EPB41: variants seen among roughly 807,000 people sequenced by gnomAD.
EPB41 encodes erythrocyte membrane protein band 4.1, also known as protein 4.1.
Under a neutral mutation model 108.0 loss-of-function variants are expected in EPB41, and 65 were observed. That is an observed-to-expected ratio of 0.60 (90% CI 0.49 to 0.74). The LOEUF (loss-of-function observed/expected upper bound fraction) is 0.74, where lower values mean the gene tolerates loss of function less well. Ranked by LOEUF, EPB41 falls within the 30% of genes least tolerant of loss-of-function variation. EPB41 has a pLI of 0.00. For synonymous variants in EPB41, 336 were observed against 358.9 expected, an observed-to-expected ratio of 0.94 and a Z score of 0.72; for missense variants, 875 against 1,037.0, an observed-to-expected ratio of 0.84 and a Z score of 2.15.
intron 15 of EPB41, among the ~76,000 whole-genome samples, chr1:29,061,897 A>G (rs1351299950): frequency 6.6e-6 from 1 of 152,136 alleles, no homozygotes; most frequent in African/African-American, 2.4e-5. Context: ...TAAAAACTAG[A>G]TAGACCTCTG....
chr1:29,087,193 G>A (rs1390389620), intron 16 of EPB41, among the ~76,000 whole-genome samples: 3 of 151,616 alleles, frequency 2.0e-5, no homozygotes, highest in Non-Finnish European at 4.4e-5. Flanking sequence ...CGCCCGCCTT[G>A]GCCTCCCAAA....
chr1:29,068,073 T>G (rs1390082222), intron 16 of EPB41, among the ~76,000 whole-genome samples: 1 of 152,196 alleles, frequency 6.6e-6, no homozygotes, highest in Non-Finnish European at 1.5e-5. Context: ...GTCTGGCTAG[T>G]CAAAGCCTAA....
At chr1:28,895,931 GCA>G (rs1449904329) in intron 1 of EPB41, among the ~76,000 whole-genome samples, 1 of 152,150 alleles carries the variant, frequency 6.6e-6, no homozygotes, top group African/African-American at 2.4e-5. Flanking sequence ...ATAAATTCAT[GCA>G]CACACACTGC....
chr1:28,911,369 T>G (rs898169464), upstream of EPB41, among the ~76,000 whole-genome samples: 2 of 152,248 alleles, frequency 1.3e-5, no homozygotes, highest in African/African-American at 4.8e-5. Context: ...GGTGTGTTAT[T>G]GCATGGCACT....
rs1230011483 is a variant in EPB41, at chr1:29,115,036, T to G, written c.2497-663T>G. Among the ~76,000 whole-genome samples, 1 of 152,170 alleles carries G rather than the reference T, an allele frequency of 6.6e-6. No individual in the cohort carries two copies. Among genetic ancestry groups the G allele is most frequent in the Non-Finnish European group, 1.5e-5 (1 of 68,034 alleles). On this transcript the variant is annotated intron_variant, in intron 19 of 20. Transcript: ENST00000343067. This position sits in a 1 kb window ranked among gnomAD's most constrained non-coding sequence, Gnocchi z 4.4. ...CACAGATGTTGTTTTGTCCTTTAGA[T>G]TCACATCTTGAGTGAATCCTCTCAG...
intron 1 of EPB41, among the ~76,000 whole-genome samples, chr1:28,962,870 C>T (rs2095259501): frequency 6.6e-6 from 1 of 152,090 alleles, no homozygotes; most frequent in Non-Finnish European, 1.5e-5. Flanking sequence ...GGTTCTCTCT[C>T]ACCACAGATT....
chr1:29,019,492 T>C (rs1440628371), intron 7 of EPB41, among the ~76,000 whole-genome samples: 1 of 152,216 alleles, frequency 6.6e-6, no homozygotes, highest in Admixed American at 6.5e-5. Context: ...ACATTCATTG[T>C]TACTTGAGTG....
chr1:28,961,352 A>G (rs993105791), intron 1 of EPB41, among the ~76,000 whole-genome samples: 1 of 152,162 alleles, frequency 6.6e-6, no homozygotes, highest in Non-Finnish European at 1.5e-5. Context: ...GCTCTCCGAG[A>G]GTGTCCTGGT....
rs143717966 is a variant in EPB41, at chr1:28,947,160, G to A, written c.-8+32392G>A. 7.2e-3 allele frequency among the ~76,000 whole-genome samples: 1,093 copies of A among 152,294 alleles called. 16 individuals are homozygous for A. The highest frequency in any genetic ancestry group is 0.023 in the African/African-American group (943 of 41,558). On this transcript the variant is annotated intron_variant, in intron 1 of 20. Transcript: ENST00000343067. ...TGGCCGGGCTGGGTGGCTCACGCCT[G>A]TAATCCCAGCACTTTAGGAAGCCAA...
rs2095894368 is a variant in EPB41, at chr1:28,987,420, C to G, written c.-7-11C>G. The G allele has an allele frequency of 6.2e-7, 1 of 1,613,158 alleles. No individual in the cohort carries two copies. Among genetic ancestry groups the G allele is most frequent in the Admixed American group, 1.7e-5 (1 of 59,990 alleles). On this transcript the variant is annotated splice_polypyrimidine_tract_variant and intron_variant, in intron 1 of 20. Transcript: ENST00000343067. ...TATAAGAGCCCCCCTTTTCTATCTT[C>G]TTTTTAATAGCAACATCATGACAAC...
chr1:29,038,458 A>G (rs930228601), intron 10 of EPB41, among the ~76,000 whole-genome samples: 3 of 152,264 alleles, frequency 2.0e-5, no homozygotes, highest in Non-Finnish European at 4.4e-5. Flanking sequence ...GCTCCCTTAC[A>G]TAAAAGTATA....
chr1:28,951,268 G>A (rs1325606399), intron 1 of EPB41, among the ~76,000 whole-genome samples: 4 of 151,750 alleles, frequency 2.6e-5, no homozygotes, highest in South Asian at 4.1e-4. Flanking sequence ...GGGTTCAGTG[G>A]CATGGGCCTG....
chr1:28,891,450 G>A (rs765211665), intron 1 of EPB41, among the ~76,000 whole-genome samples: 6 of 152,180 alleles, frequency 3.9e-5, no homozygotes, highest in East Asian at 1.9e-4. Flanking sequence ...GGGAAAACCC[G>A]GAGAACAAAA....
At chr1:28,981,790 T>C (rs993831553) in intron 1 of EPB41, among the ~76,000 whole-genome samples, 7 of 152,106 alleles carry the variant, frequency 4.6e-5, no homozygotes, top group African/African-American at 1.7e-4. Context: ...ATTGTGCATG[T>C]ATGTAAAATG....
intron 1 of EPB41, chr1:28,902,105 T>C (rs1345851093): frequency 2.2e-6 from 2 of 916,930 alleles, no homozygotes; most frequent in Non-Finnish European, 2.6e-6. Flanking sequence ...ATATGAAGCC[T>C]GTTCTCTCTG....
chr1:29,105,955 G>A (rs1412188404), intron 17 of EPB41, among the ~76,000 whole-genome samples: 1 of 151,768 alleles, frequency 6.6e-6, no homozygotes. Flanking sequence ...TCATGATGTC[G>A]GCCAGGCTGG....
rs182809655 is a variant in EPB41 at position 28,896,327 on chromosome 1, A to G, written c.-8+9117A>G. 3.8e-3 allele frequency among the ~76,000 whole-genome samples: 578 copies of G among 152,296 alleles called. 2 individuals carry two copies. Among genetic ancestry groups the G allele is most frequent in the Middle Eastern group, 6.8e-3 (2 of 294 alleles). ...GGTCTGGGAGGGAACTTCTGGGGACAGGTGGTGGATAGCAGCCTAGTCTGA... is the reference window on the plus strand; with the variant it reads ...GGTCTGGGAGGGAACTTCTGGGGACGGGTGGTGGATAGCAGCCTAGTCTGA... On this transcript the variant is annotated intron_variant, in intron 1 of 16. Transcript: ENST00000347529.
intron 1 of EPB41, among the ~76,000 whole-genome samples, chr1:28,896,819 A>G (rs368538998): frequency 5.4e-4 from 39 of 71,946 alleles, no homozygotes; most frequent in African/African-American, 1.7e-3. Context: ...GCCATGGGAT[A>G]AGGAGCAGCG....
At chr1:29,074,550 C>T (rs1653039580) in intron 16 of EPB41, among the ~76,000 whole-genome samples, 1 of 151,948 alleles carries the variant, frequency 6.6e-6, no homozygotes, top group South Asian at 2.1e-4. Context: ...GAATATGACA[C>T]AAAAAGAAAC....
Sources: allele counts gnomAD v4.1 joint callset (sites outside exome capture counted in the v4.1 genomes callset), GRCh38; gene constraint gnomAD v4.1.1; non-coding constraint Gnocchi (gnomAD v3.1); transcripts MANE v1.5; gene names NCBI Gene and HGNC (gene_info 2026-07-23, HGNC 2026-07-21).